The following PPCDC variants were observed in gnomAD, a reference collection of about 807,000 sequenced individuals.
PPCDC encodes phosphopantothenoylcysteine decarboxylase.
PPCDC carries 20 observed loss-of-function variants against 20.7 expected under a neutral mutation model. That is an observed-to-expected ratio of 0.97 (90% CI 0.68 to 1.41). The LOEUF is 1.41. Among genes scored for constraint, PPCDC ranks in the 40% most tolerant of loss-of-function variants. The pLI, the probability that PPCDC is intolerant of heterozygous loss-of-function variation, is 0.00. For missense variants in PPCDC, 246 were observed against 263.8 expected, an observed-to-expected ratio of 0.93 and a Z score of 0.47; for synonymous variants, 88 against 100.3, an observed-to-expected ratio of 0.88 and a Z score of 0.73.
At chr15:75,044,330 C>A in intron 3 of PPCDC, 56 bp from the exon 4 acceptor site, 1 of 1,601,008 alleles carries the variant, frequency 6.2e-7, no homozygotes, top group Non-Finnish European at 8.5e-7. Flanking sequence ...ACCTGGCCTG[C>A]CTTGGCGCTG....
chr15:75,043,433 G>T lies in PPCDC; in HGVS notation c.136-8G>T. 6.2e-7 allele frequency: 1 copy of T among 1,604,928 alleles called. No homozygotes were observed. The highest frequency in any genetic ancestry group is 1.3e-5 in the African/African-American group (1 of 74,720). ...CCCTCCCCGCCACCCCCTTCTTCTT[G>T]GTGACAGCTGGAAGTAGCAGTGGTC... On this transcript the variant is annotated splice_region_variant and splice_polypyrimidine_tract_variant and intron_variant, in intron 2 of 5. Coordinates refer to ENST00000342932, the MANE Select transcript of PPCDC (RefSeq NM_021823.5).
chr15:75,025,169 C>T (rs1256118245), intron 1 of PPCDC, among the ~76,000 whole-genome samples: 1 of 152,208 alleles, frequency 6.6e-6, no homozygotes, highest in Non-Finnish European at 1.5e-5. Context: ...CCACCTTGCC[C>T]TCTTAAATTG....
At chr15:75,024,001 A>G (rs1402614465) in intron 1 of PPCDC, among the ~76,000 whole-genome samples, 1 of 152,224 alleles carries the variant, frequency 6.6e-6, no homozygotes, top group Admixed American at 6.5e-5. Context: ...GGGCTGCCCA[A>G]AGTACAAAGT....
intron 1 of PPCDC, among the ~76,000 whole-genome samples, chr15:75,024,420 T>C (rs1595894215): frequency 6.6e-6 from 1 of 152,110 alleles, no homozygotes; most frequent in Middle Eastern, 3.4e-3. Flanking sequence ...GGAACATGGC[T>C]CACTGCAGCC....
intron 4 of PPCDC, among the ~76,000 whole-genome samples, chr15:75,048,069 T>A (rs1177066734): frequency 6.6e-6 from 1 of 152,132 alleles, no homozygotes; most frequent in Non-Finnish European, 1.5e-5. Flanking sequence ...CTTTATAAGG[T>A]CTCAGTGAGG....
intron 3 of PPCDC, 21 bp downstream of exon 3, chr15:75,043,557 G>A: frequency 6.4e-7 from 1 of 1,573,874 alleles, no homozygotes; most frequent in Non-Finnish European, 8.7e-7. Context: ...GGGCCCCTGG[G>A]CTGAGTTCCA....
At chr15:75,035,202 G>A (rs947599125) in intron 2 of PPCDC, among the ~76,000 whole-genome samples, 6 of 152,068 alleles carry the variant, frequency 3.9e-5, no homozygotes, top group African/African-American at 7.2e-5. Flanking sequence ...GGTTCTCAAC[G>A]GGGGTGATTT....
At chr15:75,043,005 C>T (rs934990255) in intron 2 of PPCDC, among the ~76,000 whole-genome samples, 4 of 152,258 alleles carry the variant, frequency 2.6e-5, no homozygotes, top group Admixed American at 1.3e-4. Flanking sequence ...CCTTGGCCTG[C>T]AGAGGGCAGA....
At chr15:75,038,392 CTG>C (rs1241050082) in intron 2 of PPCDC, among the ~76,000 whole-genome samples, 1 of 152,184 alleles carries the variant, frequency 6.6e-6, no homozygotes, top group African/African-American at 2.4e-5. Flanking sequence ...CAGGAGCTCT[CTG>C]TAGGCTGAGC....
At position 75,049,959 on chromosome 15, in the gene PPCDC, G is replaced by C. The variant is rs1438826262; in HGVS notation, c.*724G>C. Reference sequence around the variant, plus strand: ...CAGTGGCAGTTTGGTTCAGGACTTAGCCTTCCTGACCTTCACTTACCTCAG... The same window carrying C: ...CAGTGGCAGTTTGGTTCAGGACTTACCCTTCCTGACCTTCACTTACCTCAG... On this transcript the variant is annotated 3_prime_UTR_variant, in exon 6 of 6. Coordinates refer to ENST00000342932, the MANE Select transcript of PPCDC (RefSeq NM_021823.5). 1 of 152,224 alleles carries C rather than the reference G, an allele frequency of 6.6e-6. No homozygotes were observed. The highest frequency in any genetic ancestry group is 1.5e-5 in the Non-Finnish European group (1 of 68,052). The allele number at this position is 152,224 out of a possible 1,614,324, so 9.4% of individuals were successfully genotyped here.
At chr15:75,046,005 G>GTT (rs1024188563) in intron 4 of PPCDC, among the ~76,000 whole-genome samples, 46 of 151,960 alleles carry the variant, frequency 3.0e-4, no homozygotes, top group African/African-American at 1.0e-3. Flanking sequence ...GAGCCCAGGA[G>GTT]TTTGAGACCA....
At chr15:75,040,828 A>G (rs956559390) in intron 2 of PPCDC, among the ~76,000 whole-genome samples, 7 of 151,570 alleles carry the variant, frequency 4.6e-5, no homozygotes, top group Admixed American at 2.0e-4. Flanking sequence ...ATGCCTGGCT[A>G]ATTTTTGTAT....
At chr15:75,032,347 C>T (rs2066031354) in intron 2 of PPCDC, among the ~76,000 whole-genome samples, 1 of 152,040 alleles carries the variant, frequency 6.6e-6, no homozygotes, top group South Asian at 2.1e-4. Context: ...CCAGGTCTGT[C>T]GAGGGTGAGG....
chr15:75,044,551 C>A, intron 4 of PPCDC, 37 bp downstream of exon 4: 1 of 1,600,678 alleles, frequency 6.2e-7, no homozygotes, highest in Non-Finnish European at 8.5e-7. Flanking sequence ...CGTCCCTGGG[C>A]CTCACACCCA....
intron 5 of PPCDC, among the ~76,000 whole-genome samples, 179 bp from the exon 6 acceptor site, chr15:75,048,971 C>T (rs1457608952): frequency 6.6e-6 from 1 of 152,124 alleles, no homozygotes; most frequent in East Asian, 1.9e-4. Flanking sequence ...GCTACTGGAA[C>T]GAGTCCCAGG....
At chr15:75,029,856 C>G (rs1348057654) in intron 2 of PPCDC, among the ~76,000 whole-genome samples, 1 of 152,118 alleles carries the variant, frequency 6.6e-6, no homozygotes, top group African/African-American at 2.4e-5. Context: ...AGTTTCCGGA[C>G]TAGGGGTGGA....
chr15:75,030,319 A>T (rs970400316), intron 2 of PPCDC, among the ~76,000 whole-genome samples: 16 of 152,242 alleles, frequency 1.1e-4, no homozygotes, highest in Non-Finnish European at 2.4e-4. Context: ...AGAGCCTGGC[A>T]TGTTGAAGCA....
chr15:75,027,620 CA>C (rs144994995), intron 1 of PPCDC, among the ~76,000 whole-genome samples: 23 of 152,294 alleles, frequency 1.5e-4, no homozygotes, highest in African/African-American at 5.3e-4. Flanking sequence ...CGCTTCCTTT[CA>C]CCAGTCAGCC....
At chr15:75,035,635 A>G (rs2066075575) in intron 2 of PPCDC, among the ~76,000 whole-genome samples, 1 of 152,234 alleles carries the variant, frequency 6.6e-6, no homozygotes, top group Non-Finnish European at 1.5e-5. Context: ...AGTCACATAC[A>G]CAAAGAGATT....
Sources: gnomAD v4.1 joint callset for allele counts (sites outside exome capture counted in the v4.1 genomes callset) on GRCh38, gnomAD v4.1.1 for gene constraint, MANE v1.5 for transcripts, NCBI Gene and HGNC (gene_info 2026-07-23, HGNC 2026-07-21) for gene names.